The following MGAT4C variants were observed in gnomAD, a reference collection of about 807,000 sequenced individuals.
MGAT4C encodes alpha-1,3-mannosyl-glycoprotein 4-beta-N-acetylglucosaminyltransferase C.
MGAT4C carries 19 observed loss-of-function variants against 40.1 expected under a neutral mutation model. The ratio of observed to expected loss-of-function variants is 0.47; its 90% CI spans 0.33 to 0.70. The LOEUF (loss-of-function observed/expected upper bound fraction) is 0.70, where lower values mean the gene tolerates loss of function less well. Ranked by LOEUF, MGAT4C falls within the 30% of genes least tolerant of loss-of-function variation. MGAT4C has a pLI of 0.02. For missense variants in MGAT4C, 491 were observed against 563.2 expected, an observed-to-expected ratio of 0.87 and a Z score of 1.30; for synonymous variants, 181 against 187.1, an observed-to-expected ratio of 0.97 and a Z score of 0.27.
chr12:86,052,803 A>G (rs1293280602), intron 1 of MGAT4C, among the ~76,000 whole-genome samples: 1 of 152,018 alleles, frequency 6.6e-6, no homozygotes, highest in African/African-American at 2.4e-5. Flanking sequence ...ACCTATGGTC[A>G]GGGATATATA....
chr12:86,793,756 C>T (rs1952066550), intron 1 of MGAT4C, among the ~76,000 whole-genome samples: 1 of 151,922 alleles, frequency 6.6e-6, no homozygotes, highest in Admixed American at 6.6e-5. Context: ...AAACATTACT[C>T]ATTAAATTGT....
At position 86,427,174 on chromosome 12, in the gene MGAT4C, G is replaced by T. The variant is rs546835875; in HGVS notation, c.-120+7983C>A. ...AAAAGTGTGTGTTTCCCTAAGAGGG[G>T]CTGCCTTCTACCTTTAGCAGGCAGC... is the stretch of plus-strand genomic sequence containing the variant. On this transcript the variant is annotated intron_variant, in intron 3 of 7. Transcript: ENST00000548651. Among the ~76,000 whole-genome samples, 5 of 152,128 alleles carry T rather than the reference G, an allele frequency of 3.3e-5. No individual in the cohort carries two copies. In the South Asian group the frequency reaches 1.0e-3, roughly 32 times the overall value.
chr12:86,639,515 A>G (rs1963316027), intron 2 of MGAT4C, among the ~76,000 whole-genome samples: 1 of 151,764 alleles, frequency 6.6e-6, no homozygotes, highest in Admixed American at 6.6e-5. Flanking sequence ...TTAGAAGAAT[A>G]CAAATGGAGG....
rs192511846 is a variant in MGAT4C, at chr12:86,126,244, T to C, written c.-56-76521A>G. ...AAGATGACTTTAAAAATAAAGTGTC[T>C]CATATTACTAATAAAGAATATATAT... On this transcript the variant is annotated intron_variant, in intron 1 of 4. Transcript: ENST00000611864. 2.3e-3 allele frequency among the ~76,000 whole-genome samples: 352 copies of C among 152,012 alleles called. 2 individuals are homozygous for C. Among genetic ancestry groups the C allele is most frequent in the Non-Finnish European group, 3.9e-3 (263 of 67,932 alleles).
intron 1 of MGAT4C, among the ~76,000 whole-genome samples, chr12:86,106,765 T>G (rs140997251): frequency 6.6e-6 from 1 of 152,314 alleles, no homozygotes; most frequent in East Asian, 1.9e-4. Flanking sequence ...GTCATTTCAA[T>G]GTCTACTAAA....
chr12:86,460,588 A>C (rs945327464), intron 2 of MGAT4C, among the ~76,000 whole-genome samples: 1 of 152,104 alleles, frequency 6.6e-6, no homozygotes, highest in African/African-American at 2.4e-5. Flanking sequence ...TATTTGTGTC[A>C]AATTGCAGGA....
intron 1 of MGAT4C, among the ~76,000 whole-genome samples, chr12:86,767,586 T>C (rs982086320): frequency 6.6e-6 from 1 of 152,208 alleles, no homozygotes; most frequent in Middle Eastern, 3.4e-3. Context: ...GAGACCAATA[T>C]CCTTGATGAA....
intron 2 of MGAT4C, among the ~76,000 whole-genome samples, chr12:86,626,892 G>C (rs1249072814): frequency 6.6e-6 from 1 of 152,214 alleles, no homozygotes; most frequent in Non-Finnish European, 1.5e-5. Flanking sequence ...AACCCACAGA[G>C]GGTGAGCCAA....
At chr12:86,792,191 T>G (rs1952034307) in intron 1 of MGAT4C, among the ~76,000 whole-genome samples, 1 of 152,220 alleles carries the variant, frequency 6.6e-6, no homozygotes, top group African/African-American at 2.4e-5. Flanking sequence ...ACGTCAAATT[T>G]ATTGTACTCC....
At chr12:86,617,773 A>G (rs184468000) in intron 2 of MGAT4C, among the ~76,000 whole-genome samples, 1 of 152,260 alleles carries the variant, frequency 6.6e-6, no homozygotes, top group East Asian at 1.9e-4. Flanking sequence ...ACTTTGCTCT[A>G]GGCAAAGATT....
chr12:86,110,229 T>C (rs1876989716), intron 1 of MGAT4C, among the ~76,000 whole-genome samples: 1 of 57,026 alleles, frequency 1.8e-5, no homozygotes, highest in Non-Finnish European at 4.0e-5. Flanking sequence ...TGCATTATGA[T>C]TCTACCTCTG....
At chr12:86,109,665 G>A (rs1042075931) in intron 1 of MGAT4C, among the ~76,000 whole-genome samples, 4 of 151,838 alleles carry the variant, frequency 2.6e-5, no homozygotes, top group South Asian at 2.1e-4. Context: ...GTAGAAAAAA[G>A]GAGAATGCAA....
chr12:86,191,400 T>C (rs951619835), intron 1 of MGAT4C, among the ~76,000 whole-genome samples: 2 of 151,844 alleles, frequency 1.3e-5, no homozygotes, highest in South Asian at 2.1e-4. Context: ...TCAAAATACA[T>C]TGAAAATATC....
chr12:86,622,793 T>C (rs1056743894), intron 2 of MGAT4C, among the ~76,000 whole-genome samples: 14 of 151,896 alleles, frequency 9.2e-5, no homozygotes, highest in African/African-American at 2.9e-4. Context: ...AATGCAACTA[T>C]AACGAGAAGA....
chr12:86,417,406 C>G (rs1273759960), intron 3 of MGAT4C, among the ~76,000 whole-genome samples: 1 of 152,042 alleles, frequency 6.6e-6, no homozygotes, highest in Non-Finnish European at 1.5e-5. Context: ...ATCATGTTAT[C>G]TGCTTAAATG....
intron 1 of MGAT4C, among the ~76,000 whole-genome samples, chr12:86,250,315 T>TAC (rs1287237172): frequency 3.2e-5 from 4 of 126,202 alleles, no homozygotes; most frequent in African/African-American, 9.3e-5. Context: ...ACAAGCAACC[T>TAC]ACACACACAC....
At chr12:86,766,812 G>C (rs535558440) in intron 1 of MGAT4C, among the ~76,000 whole-genome samples, 23 of 152,122 alleles carry the variant, frequency 1.5e-4, no homozygotes, top group African/African-American at 5.1e-4. Context: ...GATGTTCTTT[G>C]AAACCAACGA....
At chr12:86,617,043 A>G (rs1183889567) in intron 2 of MGAT4C, among the ~76,000 whole-genome samples, 2 of 152,192 alleles carry the variant, frequency 1.3e-5, no homozygotes, top group African/African-American at 4.8e-5. Flanking sequence ...TTACATAACT[A>G]CAGCAATGGA....
intron 1 of MGAT4C, among the ~76,000 whole-genome samples, chr12:86,820,325 T>C (rs1309042820): frequency 6.6e-6 from 1 of 150,744 alleles, no homozygotes; most frequent in Non-Finnish European, 1.5e-5. Flanking sequence ...TTTATAATGG[T>C]TTTTCAGTGA....
Sources: allele counts gnomAD v4.1 joint callset (sites outside exome capture counted in the v4.1 genomes callset), GRCh38; gene constraint gnomAD v4.1.1; transcripts MANE v1.5; gene names NCBI Gene and HGNC (gene_info 2026-07-23, HGNC 2026-07-21).